The following DTNB variants were observed in gnomAD, a reference collection of about 807,000 sequenced individuals.
DTNB encodes DTN-B.
In DTNB, 63 loss-of-function variants were observed where a neutral mutation model predicts 90.7. The ratio of observed to expected loss-of-function variants is 0.69; its 90% CI spans 0.57 to 0.86. The LOEUF is 0.86. Ranked by LOEUF, DTNB falls within the 40% of genes least tolerant of loss-of-function variation. DTNB has a pLI of 0.00. For missense variants in DTNB, 744 were observed against 807.1 expected, an observed-to-expected ratio of 0.92 and a Z score of 0.95; for synonymous variants, 277 against 286.7, an observed-to-expected ratio of 0.97 and a Z score of 0.34.
In DTNB at chr2:25,580,831, A is replaced by G. The variant is rs2061460669; in HGVS notation, c.604-5T>C. On this transcript the variant is annotated splice_polypyrimidine_tract_variant and splice_region_variant and intron_variant, in intron 6 of 20. Coordinates refer to ENST00000406818, the MANE Select transcript of DTNB (RefSeq NM_021907.5). The stretch of plus-strand genomic sequence containing the variant: ...CATATTTAGCATTATCTTTCTCTGT[A>G]AAGAGAAGAAAAACAAACATACTTT... 1 of 1,603,738 alleles carries G rather than the reference A, an allele frequency of 6.2e-7. No individual in the cohort carries two copies. Among genetic ancestry groups the G allele is most frequent in the Middle Eastern group, 1.7e-4 (1 of 6,030 alleles).
At chr2:25,672,203 C>CAAAAAA (rs5829985) in intron 1 of DTNB, among the ~76,000 whole-genome samples, 43 of 42,470 alleles carry the variant, frequency 1.0e-3, no homozygotes, top group Admixed American at 1.6e-3. Context: ...CCTCGCATAG[C>CAAAAAA]AAAAAAAAAA....
chr2:25,406,339 C>T (rs2045158630), intron 16 of DTNB, among the ~76,000 whole-genome samples: 1 of 151,918 alleles, frequency 6.6e-6, no homozygotes. Context: ...CCTTAACAGC[C>T]TGACCAACAT....
At chr2:25,635,279 A>C (rs1360979157) in intron 3 of DTNB, among the ~76,000 whole-genome samples, 1 of 151,758 alleles carries the variant, frequency 6.6e-6, no homozygotes, top group African/African-American at 2.4e-5. Flanking sequence ...AAAAATACAA[A>C]AGTTAGCTGG....
intron 9 of DTNB, among the ~76,000 whole-genome samples, chr2:25,509,966 G>T (rs529961853): frequency 6.6e-6 from 1 of 151,976 alleles, no homozygotes; most frequent in East Asian, 1.9e-4. Context: ...GGCCAGCCTG[G>T]TCTCGAACGC....
chr2:25,637,412 T>C (rs2077347354), intron 3 of DTNB, among the ~76,000 whole-genome samples: 2 of 151,966 alleles, frequency 1.3e-5, no homozygotes, highest in South Asian at 4.2e-4. Context: ...ACCATCAGAG[T>C]GAACAGGCAA....
chr2:25,431,936 AATG>A (rs2053992680), intron 14 of DTNB, among the ~76,000 whole-genome samples: 1 of 151,908 alleles, frequency 6.6e-6, no homozygotes, highest in Non-Finnish European at 1.5e-5. Context: ...CTATACATCT[AATG>A]ATTTTTTTTC....
intron 15 of DTNB, chr2:25,426,557 C>A (rs2051684631): frequency 6.6e-6 from 1 of 152,300 alleles, no homozygotes; most frequent in South Asian, 2.1e-4. Flanking sequence ...AGCAACCCAA[C>A]ACCACCCATC....
intron 15 of DTNB, among the ~76,000 whole-genome samples, chr2:25,420,519 T>TATCTA (rs929873054): frequency 3.2e-5 from 3 of 93,330 alleles, no homozygotes; most frequent in Non-Finnish European, 9.2e-5. Context: ...TCTATCTATC[T>TATCTA]ATCTGTCTGT....
rs538049385 is a variant in DTNB, at chr2:25,603,665, GA to G, written c.448+3570del. ...AGTAAAAAGCAGGAAGATCAAAGCA[GA>G]AAAAAAAAAGTAGAAATGCTAAAAC... On this transcript the variant is annotated intron_variant, in intron 5 of 20. Transcript: ENST00000406818. Among the ~76,000 whole-genome samples, 656 of 145,312 alleles carry G rather than the reference GA, an allele frequency of 4.5e-3. 1 individual carries two copies. The highest frequency in any genetic ancestry group is 7.6e-3 in the Admixed American group (111 of 14,592).
At chr2:25,619,972 G>A (rs1009586354) in intron 4 of DTNB, among the ~76,000 whole-genome samples, 25 of 152,144 alleles carry the variant, frequency 1.6e-4, no homozygotes, top group Non-Finnish European at 2.8e-4. Context: ...CCCGGGAGGC[G>A]GAGGTTGCAG....
intron 6 of DTNB, among the ~76,000 whole-genome samples, chr2:25,594,069 C>T (rs545220773): frequency 1.3e-4 from 20 of 152,156 alleles, no homozygotes; most frequent in Admixed American, 8.5e-4. Context: ...AGCAGTGAGA[C>T]GGGCTCCAGA....
At chr2:25,533,613 C>T (rs1354940867) in intron 8 of DTNB, among the ~76,000 whole-genome samples, 1 of 152,226 alleles carries the variant, frequency 6.6e-6, no homozygotes, top group Non-Finnish European at 1.5e-5. Flanking sequence ...AAAGCTTTCA[C>T]ACCTGACTCC....
intron 1 of DTNB, among the ~76,000 whole-genome samples, chr2:25,662,253 A>C (rs1333345638): frequency 2.6e-5 from 4 of 152,222 alleles, no homozygotes; most frequent in Non-Finnish European, 5.9e-5. Context: ...AAGAATGCTT[A>C]TGATGATATT....
At position 25,624,114 on chromosome 2, in the gene DTNB, T is replaced by C. The variant is rs1022786221; in HGVS notation, c.362+4057A>G. Among the ~76,000 whole-genome samples, 5 of 152,206 alleles carry C rather than the reference T, an allele frequency of 3.3e-5. No individual in the cohort carries two copies. The South Asian group carries it at 1.0e-3, about 31-fold the overall frequency. ...GATAAAACCTAGCTCTCCACAACTCTTTATCATAACTCTTTCAACCAACTG... is the reference window on the plus strand; with the variant it reads ...GATAAAACCTAGCTCTCCACAACTCCTTATCATAACTCTTTCAACCAACTG... On this transcript the variant is annotated intron_variant, in intron 4 of 20. Coordinates refer to ENST00000406818, the MANE Select transcript of DTNB (RefSeq NM_021907.5).
chr2:25,462,126 G>A (rs1310294908), intron 10 of DTNB, among the ~76,000 whole-genome samples: 4 of 152,146 alleles, frequency 2.6e-5, no homozygotes, highest in Admixed American at 1.3e-4. Context: ...ATCGGGGAAC[G>A]CAGCCTGGGA....
chr2:25,526,395 ATTTTT>A (rs1245672956), intron 9 of DTNB, among the ~76,000 whole-genome samples: 9 of 49,826 alleles, frequency 1.8e-4, no homozygotes, highest in African/African-American at 6.8e-4. Flanking sequence ...ATATATATAT[ATTTTT>A]TTTTTTTTAA....
At chr2:25,627,439 T>C (rs1468884798) in intron 4 of DTNB, among the ~76,000 whole-genome samples, 2 of 151,794 alleles carry the variant, frequency 1.3e-5, no homozygotes, top group African/African-American at 4.8e-5. Flanking sequence ...GAAAATCAGT[T>C]ACTATAGTCC....
chr2:25,391,111 T>G (rs2040980824), intron 16 of DTNB, among the ~76,000 whole-genome samples: 1 of 151,820 alleles, frequency 6.6e-6, no homozygotes, highest in Non-Finnish European at 1.5e-5. Flanking sequence ...TTAGCCAGGA[T>G]GGTCTCGATC....
chr2:25,472,286 A>G (rs1359669559), intron 10 of DTNB, among the ~76,000 whole-genome samples: 2 of 152,250 alleles, frequency 1.3e-5, no homozygotes, highest in African/African-American at 4.8e-5. Context: ...GAGGAGTCAA[A>G]GCTAAGATGA....
Sources: gnomAD v4.1 joint callset for allele counts (sites outside exome capture counted in the v4.1 genomes callset) on GRCh38, gnomAD v4.1.1 for gene constraint, MANE v1.5 for transcripts, NCBI Gene and HGNC (gene_info 2026-07-23, HGNC 2026-07-21) for gene names.